Variants in CYYR1 observed in about 807,000 individuals in gnomAD.
The protein encoded by CYYR1 is cysteine and tyrosine-rich protein 1.
In CYYR1, 14 loss-of-function variants were observed where a neutral mutation model predicts 15.2. The observed-to-expected ratio is 0.92, with a 90% CI of 0.61 to 1.44. CYYR1 has a LOEUF of 1.44. Among genes scored for constraint, CYYR1 ranks in the 40% most tolerant of loss-of-function variants. The pLI is 0.00. For synonymous variants in CYYR1, 80 were observed against 77.4 expected, an observed-to-expected ratio of 1.03 and a Z score of -0.18; for missense variants, 228 against 209.5, an observed-to-expected ratio of 1.09 and a Z score of -0.54.
At chr21:26,565,692 GT>G (rs1333267377) in intron 2 of CYYR1, among the ~76,000 whole-genome samples, 12 of 152,128 alleles carry the variant, frequency 7.9e-5, no homozygotes, top group Non-Finnish European at 1.8e-4. Flanking sequence ...TTTCATTTGT[GT>G]TTTTGTGCCT....
At chr21:26,474,911 C>G (rs1224471279) in intron 3 of CYYR1, among the ~76,000 whole-genome samples, 2 of 152,146 alleles carry the variant, frequency 1.3e-5, no homozygotes, top group Non-Finnish European at 2.9e-5. Context: ...TTATTCAGCA[C>G]TGATTTATGG....
intron 2 of CYYR1, among the ~76,000 whole-genome samples, chr21:26,498,556 C>G (rs1353786706): frequency 6.6e-6 from 1 of 152,144 alleles, no homozygotes; most frequent in Admixed American, 6.5e-5. Flanking sequence ...AGAATTAAGT[C>G]TAGCTTGTGA....
chr21:26,509,418 C>G (rs2065615746), intron 2 of CYYR1, among the ~76,000 whole-genome samples: 1 of 152,102 alleles, frequency 6.6e-6, no homozygotes, highest in African/African-American at 2.4e-5. Context: ...TTTATTTTCT[C>G]CATAGAACCA....
intron 2 of CYYR1, among the ~76,000 whole-genome samples, chr21:26,518,250 T>C (rs1007103459): frequency 2.0e-5 from 3 of 152,220 alleles, no homozygotes; most frequent in East Asian, 3.8e-4. Context: ...CTAACATCTT[T>C]TTTGCCCTGT....
At chr21:26,542,290 C>CGTGCGT (rs1978619173) in intron 2 of CYYR1, among the ~76,000 whole-genome samples, 4 of 128,070 alleles carry the variant, frequency 3.1e-5, no homozygotes, top group East Asian at 2.4e-4. Context: ...TGTGTGTGTG[C>CGTGCGT]GTGTGTGTGT....
intron 2 of CYYR1, chr21:26,503,773 C>G (rs1008829398): frequency 2.0e-5 from 3 of 152,018 alleles, no homozygotes; most frequent in Non-Finnish European, 4.4e-5. Flanking sequence ...CATAACAGCT[C>G]AAGTATAGGA....
In CYYR1 at chr21:26,566,355, A is replaced by G. The variant is rs1358435197; in HGVS notation, c.87T>C (p.Ala29=). Reference sequence around the variant, plus strand: ...AAGATTTGCAATCTTTGCCACACTGAGCAAGGCAATCATCTACAAAACAAA... The same window carrying G: ...AAGATTTGCAATCTTTGCCACACTGGGCAAGGCAATCATCTACAAAACAAA... ...LLFVYADDCL[A]QCGKDCKSYC... Residue 29 remains alanine, a synonymous_variant, in exon 2 of 4, where the codon GCT becomes GCC. Transcript: ENST00000652641. 6.2e-7 allele frequency: 1 copy of G among 1,613,338 alleles called. No homozygotes were observed. Among genetic ancestry groups the G allele is most frequent in the African/African-American group, 1.3e-5 (1 of 75,024 alleles).
rs540334136 is a variant in CYYR1, at chr21:26,548,492, G to A, written c.176+17774C>T. ...CTCCTGAGTAGTTGAGATTACAGGC[G>A]TGTGTCATCACATCTGGCTAATTTT... On this transcript the variant is annotated intron_variant, in intron 2 of 3. Coordinates refer to ENST00000652641, the MANE Select transcript of CYYR1 (RefSeq NM_001320768.2). Among the ~76,000 whole-genome samples the A allele has an allele frequency of 5.3e-5, 8 of 152,300 alleles. No homozygotes were observed. The South Asian group carries it at 8.3e-4, about 16-fold the overall frequency.
At chr21:26,545,607 G>A (rs1394924444) in intron 2 of CYYR1, among the ~76,000 whole-genome samples, 1 of 106,894 alleles carries the variant, frequency 9.4e-6, no homozygotes, top group Non-Finnish European at 1.7e-5. Context: ...ACGGAGTCTC[G>A]CCCAGGCTGG....
intron 2 of CYYR1, among the ~76,000 whole-genome samples, chr21:26,513,279 A>T (rs747436091): frequency 3.3e-5 from 5 of 152,190 alleles, no homozygotes; most frequent in Admixed American, 6.5e-5. Flanking sequence ...CTACTATCTT[A>T]TATGATCTTT....
chr21:26,504,856 G>A (rs532059436), intron 2 of CYYR1, among the ~76,000 whole-genome samples: 5 of 152,094 alleles, frequency 3.3e-5, no homozygotes, highest in South Asian at 2.1e-4. Flanking sequence ...CCCTATGTCC[G>A]TGAGTTGAAT....
intron 2 of CYYR1, among the ~76,000 whole-genome samples, chr21:26,496,356 AAAG>A (rs1458488321): frequency 3.9e-5 from 6 of 152,338 alleles, no homozygotes; most frequent in Admixed American, 3.3e-4. Flanking sequence ...TGGAACTGGA[AAAG>A]AAGAATATTT....
chr21:26,500,064 G>T (rs941524638), intron 2 of CYYR1, among the ~76,000 whole-genome samples: 4 of 152,070 alleles, frequency 2.6e-5, no homozygotes, highest in African/African-American at 9.7e-5. Context: ...TTTGGTTCTT[G>T]GTGAGGACCT....
At chr21:26,535,677 C>T (rs1399645561) in intron 2 of CYYR1, among the ~76,000 whole-genome samples, 1 of 152,148 alleles carries the variant, frequency 6.6e-6, no homozygotes, top group East Asian at 1.9e-4. Flanking sequence ...TATGCAATCT[C>T]TGCATTCTGA....
intron 2 of CYYR1, among the ~76,000 whole-genome samples, chr21:26,541,109 AT>A (rs1978521602): frequency 6.6e-6 from 1 of 152,218 alleles, no homozygotes; most frequent in South Asian, 2.1e-4. Flanking sequence ...GAGAGAAAAA[AT>A]ATTTAAAAAA....
In CYYR1 at chr21:26,478,202, A is replaced by C. The variant is rs2065127835; in HGVS notation, c.334+2070T>G. The C allele has an allele frequency of 2.0e-6, 3 of 1,534,258 alleles. No homozygotes were observed. In the African/African-American group the frequency reaches 4.1e-5, roughly 21 times the overall value. On this transcript the variant is annotated intron_variant, in intron 3 of 3. Transcript: ENST00000652641. ...TAGCTAAACTATACGATATCTTGGA[A>C]GATTAAAAGCACTCTGGATAAAAAG...
intron 2 of CYYR1, among the ~76,000 whole-genome samples, chr21:26,511,927 G>A (rs73898233): frequency 6.6e-6 from 1 of 151,796 alleles, no homozygotes; most frequent in African/African-American, 2.4e-5. Context: ...CAAATAGAAG[G>A]CCTAGTTCAA....
At chr21:26,474,304 C>T (rs1020152455) in intron 3 of CYYR1, among the ~76,000 whole-genome samples, 8 of 151,822 alleles carry the variant, frequency 5.3e-5, no homozygotes, top group East Asian at 1.9e-4. Flanking sequence ...CCTCCCACCT[C>T]GGCCTCCCAA....
intron 2 of CYYR1, among the ~76,000 whole-genome samples, chr21:26,562,904 C>T (rs2123721884): frequency 6.6e-6 from 1 of 152,090 alleles, no homozygotes; most frequent in African/African-American, 2.4e-5. Context: ...TTTGTCTATG[C>T]TCTCTTTTCT....
Sources: allele counts gnomAD v4.1 joint callset (sites outside exome capture counted in the v4.1 genomes callset), GRCh38; gene constraint gnomAD v4.1.1; transcripts MANE v1.5; gene names NCBI Gene and HGNC (gene_info 2026-07-23, HGNC 2026-07-21).